Variants in RNF157 observed in about 807,000 individuals in gnomAD.
RNF157 encodes ring finger protein 157.
A neutral mutation model predicts 88.3 loss-of-function variants in RNF157; 55 were observed. That is an observed-to-expected ratio of 0.62 (90% CI 0.50 to 0.78). RNF157 has a LOEUF of 0.78. Among genes scored for constraint, RNF157 ranks in the 30% least tolerant of loss-of-function variants. RNF157 has a pLI of 0.00. For synonymous variants in RNF157, 334 were observed against 341.2 expected, an observed-to-expected ratio of 0.98 and a Z score of 0.23; for missense variants, 788 against 860.8, an observed-to-expected ratio of 0.92 and a Z score of 1.06.
intron 2 of RNF157, among the ~76,000 whole-genome samples, chr17:76,191,718 G>T (rs72868723): frequency 0.2 from 29,624 of 151,846 alleles, 2,932 homozygotes; most frequent in Middle Eastern, 0.26. Flanking sequence ...AAACTACAAT[G>T]AGCTATAATT....
chr17:76,217,209 C>A (rs2145039293), intron 1 of RNF157, among the ~76,000 whole-genome samples: 1 of 151,928 alleles, frequency 6.6e-6, no homozygotes, highest in South Asian at 2.1e-4. Flanking sequence ...GGAGTTTCAC[C>A]ATGTTGGCCA....
intron 1 of RNF157, among the ~76,000 whole-genome samples, chr17:76,224,150 A>G (rs1234480527): frequency 3.3e-5 from 5 of 152,178 alleles, no homozygotes; most frequent in Admixed American, 2.6e-4. Context: ...AAAATCAACT[A>G]TTTGTTCCTT....
intron 1 of RNF157, among the ~76,000 whole-genome samples, chr17:76,217,957 A>T (rs1468293462): frequency 6.6e-6 from 1 of 152,240 alleles, no homozygotes; most frequent in East Asian, 1.9e-4. Context: ...TAACAAGTAC[A>T]TAGTTTTAGT....
intron 1 of RNF157, among the ~76,000 whole-genome samples, chr17:76,228,983 C>T (rs953922060): frequency 2.0e-5 from 3 of 152,008 alleles, no homozygotes; most frequent in African/African-American, 4.8e-5. Context: ...ACCCATCCAT[C>T]GATTCATCCT....
intron 1 of RNF157, among the ~76,000 whole-genome samples, chr17:76,234,485 G>A (rs1427160907): frequency 2.0e-5 from 3 of 152,002 alleles, no homozygotes; most frequent in Admixed American, 6.6e-5. Flanking sequence ...CATTCACACC[G>A]GCAGGGTATG....
chr17:76,154,211 T>C, intron 17 of RNF157, 72 bp downstream of exon 17: 3 of 1,150,796 alleles, frequency 2.6e-6, no homozygotes, highest in South Asian at 2.5e-5. Context: ...CGGTACCCTT[T>C]TCTTTACCCC....
rs12165062 is a variant in RNF157, at chr17:76,158,336, G to T, written c.1413+57C>A. 4.1e-5 allele frequency: 47 copies of T among 1,152,932 alleles called. No individual in the cohort carries two copies. The African/African-American group carries it at 6.8e-4, about 17-fold the overall frequency. The allele number at this position is 1,152,932 out of a possible 1,614,324, so 71.4% of individuals were successfully genotyped here. A position where few individuals can be genotyped will look rare whatever the true frequency, so the allele number is the denominator to read the frequency against. On this transcript the variant is annotated intron_variant, in intron 13 of 18. Transcript: ENST00000269391. The stretch of plus-strand genomic sequence containing the variant: ...CAGAGGGACCTGATGAGGCATGCAG[G>T]TAGGAGGGAAGTCCCTGGAGTACAA...
At chr17:76,169,465 TCTCA>T (rs2068979183) in intron 3 of RNF157, among the ~76,000 whole-genome samples, 1 of 152,102 alleles carries the variant, frequency 6.6e-6, no homozygotes, top group South Asian at 2.1e-4. Flanking sequence ...AGAGATGGGG[TCTCA>T]CTATGTTGCC....
chr17:76,189,421 C>CTGCT (rs2069346315), intron 2 of RNF157, among the ~76,000 whole-genome samples: 2 of 152,212 alleles, frequency 1.3e-5, no homozygotes, highest in Non-Finnish European at 2.9e-5. Flanking sequence ...AGCTCCTGTG[C>CTGCT]TGCTGGTTAC....
chr17:76,192,397 G>A (rs1435556027), intron 2 of RNF157, among the ~76,000 whole-genome samples: 1 of 152,166 alleles, frequency 6.6e-6, no homozygotes, highest in South Asian at 2.1e-4. Context: ...GTCCAAGTCT[G>A]ATCTTCTCCA....
chr17:76,159,275 AGGGATGAAGCATTTCATCAAGGATTCC>A, intron 12 of RNF157, 33 bp downstream of exon 12: 8 of 1,416,980 alleles, frequency 5.6e-6, no homozygotes, highest in Non-Finnish European at 8.0e-6. Flanking sequence ...AGCACCAAGG[AGGGATGAAGCATTTCATCAAGGATTCC>A]GGGGGCAACA....
rs1408693859 is a variant in RNF157 at position 76,225,853 on chromosome 17, C to T, written c.89-13371G>A. On this transcript the variant is annotated intron_variant, in intron 1 of 18. Coordinates refer to ENST00000269391, the MANE Select transcript of RNF157 (RefSeq NM_052916.3). ...GGGAATCTGCCCTCTCTTTTAGAGC[C>T]TCGTTCTTCTTTTCCAGCTCTTTGC... The T allele has an allele frequency of 5.6e-6, 9 of 1,612,816 alleles. No individual in the cohort carries two copies. In the East Asian group the frequency reaches 2.0e-4, roughly 36 times the overall value.
Position 76,240,166 on chromosome 17 carries a change from G to A in RNF157, c.75C>T (p.Tyr25=). Residue 25 remains tyrosine, a synonymous_variant, in exon 1 of 19, where the codon TAC becomes TAT. Transcript: ENST00000269391. The surrounding 1 kb of genome is among the most constrained non-coding windows in gnomAD (Gnocchi z 4.4). Reference sequence around the variant, plus strand: ...GCCCGCCCTCACCGGACTTGGGCGGGTAGCGGTACACGGAATTAGACGGGA... The same window carrying A: ...GCCCGCCCTCACCGGACTTGGGCGGATAGCGGTACACGGAATTAGACGGGA... ...VDIPSNSVYR[Y]PPKSGSYFAS... 7.3e-7 allele frequency: 1 copy of A among 1,375,024 alleles called. No homozygotes were observed. Among genetic ancestry groups the A allele is most frequent in the Non-Finnish European group, 9.5e-7 (1 of 1,050,970 alleles). The allele number at this position is 1,375,024 out of a possible 1,614,324, so 85.2% of individuals were successfully genotyped here.
chr17:76,192,390 C>T (rs1279865204), intron 2 of RNF157, among the ~76,000 whole-genome samples: 1 of 152,054 alleles, frequency 6.6e-6, no homozygotes, highest in East Asian at 1.9e-4. Context: ...TATGTATGTC[C>T]AAGTCTGATC....
At position 76,195,635 on chromosome 17, in the gene RNF157, C is replaced by T. The variant is rs1397925515; in HGVS notation, c.207+16729G>A. 6.6e-6 allele frequency among the ~76,000 whole-genome samples: 1 copy of T among 152,170 alleles called. No individual in the cohort carries two copies. The highest frequency in any genetic ancestry group is 1.5e-5 in the Non-Finnish European group (1 of 68,036). On this transcript the variant is annotated intron_variant, in intron 2 of 18. Transcript: ENST00000269391. This position sits in a 1 kb window ranked among gnomAD's most constrained non-coding sequence, Gnocchi z 4.4. ...CCCAAAAAAGCTCAATGCCTGCAAA[C>T]AATAGAGTGGATAAATTATGGTGTA...
At position 76,161,791 on chromosome 17, in the gene RNF157, T is replaced by C; in HGVS notation, c.952+52A>G. 1 of 1,591,630 alleles carries C rather than the reference T, an allele frequency of 6.3e-7. No individual in the cohort carries two copies. The highest frequency in any genetic ancestry group is 8.6e-7 in the Non-Finnish European group (1 of 1,164,194). ...CACATGCTTCAGTGTTTTGTAAATGTCCTCTTGTCCCCTCTCCCACCCACC... is the reference window on the plus strand; with the variant it reads ...CACATGCTTCAGTGTTTTGTAAATGCCCTCTTGTCCCCTCTCCCACCCACC... On this transcript the variant is annotated intron_variant, in intron 10 of 18. Coordinates refer to ENST00000269391, the MANE Select transcript of RNF157 (RefSeq NM_052916.3). This position sits in a 1 kb window ranked among gnomAD's most constrained non-coding sequence, Gnocchi z 4.6.
At position 76,189,724 on chromosome 17, in the gene RNF157, G is replaced by A. The variant is rs112806694; in HGVS notation, c.208-15934C>T. Among the ~76,000 whole-genome samples the A allele has an allele frequency of 1.8e-3, 278 of 152,300 alleles. 1 individual carries two copies. Among genetic ancestry groups the A allele is most frequent in the African/African-American group, 5.6e-3 (234 of 41,558 alleles). On this transcript the variant is annotated intron_variant, in intron 2 of 18. Transcript: ENST00000269391. ...TGAGGAAACAAAAGGGAGAGGTTGGGTTCTCAGATCCTGGAAGCCCGGAGA... is the reference window on the plus strand; with the variant it reads ...TGAGGAAACAAAAGGGAGAGGTTGGATTCTCAGATCCTGGAAGCCCGGAGA...
intron 2 of RNF157, among the ~76,000 whole-genome samples, chr17:76,193,018 G>A (rs572010890): frequency 8.6e-5 from 13 of 151,946 alleles, no homozygotes; most frequent in Non-Finnish European, 1.5e-4. Flanking sequence ...ACGGGACCTC[G>A]CTGTTTCCCA....
At chr17:76,212,087 G>A (rs1403919770) in intron 2 of RNF157, 7 of 255,572 alleles carry the variant, frequency 2.7e-5, no homozygotes, top group Non-Finnish European at 4.4e-5. Context: ...GTAAGCCCTT[G>A]GAAAAGGGTT....
Sources: allele counts gnomAD v4.1 joint callset (sites outside exome capture counted in the v4.1 genomes callset), GRCh38; gene constraint gnomAD v4.1.1; non-coding constraint Gnocchi (gnomAD v3.1); transcripts MANE v1.5; gene names NCBI Gene and HGNC (gene_info 2026-07-23, HGNC 2026-07-21).